The following PTPN14 variants were observed in gnomAD, a reference collection of about 807,000 sequenced individuals.
PTPN14 encodes the protein protein tyrosine phosphatase non-receptor type 14, also known as tyrosine-protein phosphatase non-receptor type 14.
PTPN14 carries 53 observed loss-of-function variants against 126.8 expected under a neutral mutation model. That is an observed-to-expected ratio of 0.42 (90% CI 0.34 to 0.53). PTPN14 has a LOEUF of 0.53. Among genes scored for constraint, PTPN14 ranks in the 20% least tolerant of loss-of-function variants. PTPN14 has a pLI of 0.08. For synonymous variants in PTPN14, 630 were observed against 599.3 expected, an observed-to-expected ratio of 1.05 and a Z score of -0.75; for missense variants, 1,257 against 1,552.9, an observed-to-expected ratio of 0.81 and a Z score of 3.20.
chr1:214,368,215 T>TATTTATTTATTC (rs1283312032), intron 17 of PTPN14, among the ~76,000 whole-genome samples: 1 of 151,728 alleles, frequency 6.6e-6, no homozygotes, highest in African/African-American at 2.4e-5. Flanking sequence ...TTTATTTATT[T>TATTTATTTATTC]ATTTATTTTT....
At chr1:214,393,441 G>A (rs907413841) in intron 10 of PTPN14, among the ~76,000 whole-genome samples, 5 of 152,212 alleles carry the variant, frequency 3.3e-5, no homozygotes, top group Non-Finnish European at 5.9e-5. Flanking sequence ...AGGCGCTAAT[G>A]TGGGCCAACC....
intron 2 of PTPN14, among the ~76,000 whole-genome samples, chr1:214,456,060 T>C (rs1660374798): frequency 6.6e-6 from 1 of 152,136 alleles, no homozygotes; most frequent in East Asian, 1.9e-4. Flanking sequence ...ACCTTAGCTA[T>C]TAAAAGGGAA....
chr1:214,449,011 C>CTTTT lies in PTPN14; in HGVS notation c.344+2790_344+2793dup, dbSNP rs71165970. On this transcript the variant is annotated intron_variant, in intron 3 of 18. Transcript: ENST00000366956. ...TGTGCCCTTGTAAGACTTAATTTTTCTTTTTTTTTTTTTGAGACGGAGTCT... is the reference window on the plus strand; with the variant it reads ...TGTGCCCTTGTAAGACTTAATTTTTCTTTTTTTTTTTTTTTTTGAGACGGAGTCT... 3.9e-4 allele frequency among the ~76,000 whole-genome samples: 44 copies of CTTTT among 112,462 alleles called. 1 individual carries two copies. The highest frequency in any genetic ancestry group is 1.5e-3 in the African/African-American group (41 of 27,602). The allele number at this position is 112,462 out of a possible 152,430, so 73.8% of individuals were successfully genotyped here. A position where few individuals can be genotyped will look rare whatever the true frequency, so the allele number is the denominator to read the frequency against.
chr1:214,385,337 A>G (rs1165519132), intron 12 of PTPN14, among the ~76,000 whole-genome samples: 5 of 152,232 alleles, frequency 3.3e-5, no homozygotes, highest in Admixed American at 2.6e-4. Flanking sequence ...CATCCTGAGC[A>G]GCAATAAAGG....
At chr1:214,510,186 T>G (rs1453530057) in intron 1 of PTPN14, among the ~76,000 whole-genome samples, 1 of 152,182 alleles carries the variant, frequency 6.6e-6, no homozygotes, top group Non-Finnish European at 1.5e-5. Flanking sequence ...CACACACAAC[T>G]TTTATCAATT....
At chr1:214,361,506 C>T (rs1657955259) in intron 18 of PTPN14, among the ~76,000 whole-genome samples, 1 of 152,204 alleles carries the variant, frequency 6.6e-6, no homozygotes, top group Non-Finnish European at 1.5e-5. Context: ...CTCCCACAGG[C>T]TCTGCTCTTA....
At chr1:214,455,982 T>C (rs1375766112) in intron 2 of PTPN14, among the ~76,000 whole-genome samples, 2 of 152,194 alleles carry the variant, frequency 1.3e-5, no homozygotes, top group Non-Finnish European at 2.9e-5. Flanking sequence ...TAAAATCTAT[T>C]AAAAAGTAGT....
intron 1 of PTPN14, among the ~76,000 whole-genome samples, chr1:214,489,348 C>T (rs1182986486): frequency 2.6e-5 from 4 of 152,156 alleles, no homozygotes; most frequent in Non-Finnish European, 5.9e-5. Flanking sequence ...CCATCTGTAC[C>T]ATGCCCTCTC....
intron 1 of PTPN14, among the ~76,000 whole-genome samples, chr1:214,542,792 G>C (rs577379960): frequency 1.3e-5 from 2 of 152,206 alleles, no homozygotes; most frequent in Non-Finnish European, 2.9e-5. Context: ...CTGAGGAATA[G>C]TGGGACATAA....
chr1:214,484,502 C>T (rs1027037334), intron 1 of PTPN14, among the ~76,000 whole-genome samples: 1 of 151,950 alleles, frequency 6.6e-6, no homozygotes, highest in African/African-American at 2.4e-5. Context: ...CCATTTTTTC[C>T]CCAACTGAAA....
At chr1:214,532,317 A>C in intron 1 of PTPN14, 1 of 510,284 alleles carries the variant, frequency 2.0e-6, no homozygotes, top group Non-Finnish European at 3.6e-6. Flanking sequence ...TGGTTTCCAG[A>C]TCTCCGTGTC....
intron 15 of PTPN14, among the ~76,000 whole-genome samples, chr1:214,373,658 C>T (rs1658274090): frequency 6.8e-6 from 1 of 146,730 alleles, no homozygotes; most frequent in African/African-American, 2.6e-5. Context: ...GTGTTGTAAT[C>T]CAGTTTGAAA....
chr1:214,512,488 T>C (rs1202851004), intron 1 of PTPN14, among the ~76,000 whole-genome samples: 1 of 152,088 alleles, frequency 6.6e-6, no homozygotes, highest in Non-Finnish European at 1.5e-5. Context: ...TTATATGAAC[T>C]ATCTAAAGTA....
intron 1 of PTPN14, among the ~76,000 whole-genome samples, chr1:214,492,189 AAAAAAG>A (rs1447225723): frequency 6.6e-6 from 1 of 152,196 alleles, no homozygotes; most frequent in African/African-American, 2.4e-5. Flanking sequence ...TGTTTAAAAA[AAAAAAG>A]AAAAAGAAAA....
Position 214,393,769 on chromosome 1 carries a change from G to A in PTPN14, c.855C>T (p.Ile285=), listed in dbSNP as rs367808119. 3.8e-5 allele frequency: 60 copies of A among 1,592,328 alleles called. No individual in the cohort carries two copies. The African/African-American group carries it at 7.1e-4, about 19-fold the overall frequency. The change falls in exon 10 of 19, where the codon ATC becomes ATT. Residue 285 remains isoleucine, a synonymous_variant. Coordinates refer to ENST00000366956, the MANE Select transcript of PTPN14 (RefSeq NM_005401.5). ...ACCGAGAAATATACTTGGCATTTTCGATATCATCCTTGGAAAAGAAGAGAC... is the reference window on the plus strand; with the variant it reads ...ACCGAGAAATATACTTGGCATTTTCAATATCATCCTTGGAAAAGAAGAGAC... The part of the protein sequence containing the change: ...EETALFHTDD[I]ENAKYISRLF...
intron 1 of PTPN14, among the ~76,000 whole-genome samples, chr1:214,492,195 GA>G (rs1283560769): frequency 2.7e-5 from 4 of 150,590 alleles, no homozygotes; most frequent in Non-Finnish European, 4.4e-5. Flanking sequence ...AAAAAAAAAA[GA>G]AAAAGAAAAA....
Position 214,460,599 on chromosome 1 carries a change from A to T in PTPN14, c.174+4031T>A, listed in dbSNP as rs1660488861. ...TCTGCCTTTCCCTGAAAATTCTAACACACACACACACATACACACACACAC... is the reference window on the plus strand; with the variant it reads ...TCTGCCTTTCCCTGAAAATTCTAACTCACACACACACATACACACACACAC... On this transcript the variant is annotated intron_variant, in intron 2 of 18. Coordinates refer to ENST00000366956, the MANE Select transcript of PTPN14 (RefSeq NM_005401.5). Among the ~76,000 whole-genome samples, 3 of 130,722 alleles carry T rather than the reference A, an allele frequency of 2.3e-5. No individual in the cohort carries two copies. The South Asian group carries it at 6.8e-4, about 30-fold the overall frequency. 85.8% of individuals were successfully genotyped at this position (130,722 alleles called of 152,430 possible).
intron 1 of PTPN14, among the ~76,000 whole-genome samples, chr1:214,543,499 T>C (rs1340021828): frequency 1.3e-5 from 2 of 152,340 alleles, no homozygotes; most frequent in African/African-American, 4.8e-5. Context: ...AAATTACATA[T>C]AGTCATTAAC....
At chr1:214,401,997 T>C (rs1293664304) in intron 6 of PTPN14, among the ~76,000 whole-genome samples, 2 of 152,088 alleles carry the variant, frequency 1.3e-5, no homozygotes, top group African/African-American at 4.8e-5. Flanking sequence ...AAGTATTTAA[T>C]TAAGAGCCAC....
Sources: allele counts gnomAD v4.1 joint callset (sites outside exome capture counted in the v4.1 genomes callset), GRCh38; gene constraint gnomAD v4.1.1; transcripts MANE v1.5; gene names NCBI Gene and HGNC (gene_info 2026-07-23, HGNC 2026-07-21).